The following R3HDM1 variants were observed in gnomAD, a reference collection of about 807,000 sequenced individuals.
R3HDM1 encodes R3H domain-containing protein 1.
A neutral mutation model predicts 141.1 loss-of-function variants in R3HDM1; 46 were observed. The observed-to-expected ratio is 0.33, with a 90% CI of 0.26 to 0.42. The LOEUF is 0.42. Ranked by LOEUF, R3HDM1 falls within the 10% of genes least tolerant of loss-of-function variation. The probability of loss-of-function intolerance (pLI) is 1.00; values close to 1 mark genes in which losing one functional copy is unlikely to be tolerated. For missense variants in R3HDM1, 1,184 were observed against 1,368.3 expected, an observed-to-expected ratio of 0.87 and a Z score of 2.12; for synonymous variants, 435 against 472.9, an observed-to-expected ratio of 0.92 and a Z score of 1.04.
intron 21 of R3HDM1, among the ~76,000 whole-genome samples, chr2:135,707,572 GA>G (rs2075104912): frequency 6.6e-6 from 1 of 152,188 alleles, no homozygotes; most frequent in East Asian, 1.9e-4. Context: ...TGACCGACCT[GA>G]GTATTCCCTT....
At chr2:135,633,121 A>G (rs896247980) in intron 9 of R3HDM1, among the ~76,000 whole-genome samples, 1 of 152,216 alleles carries the variant, frequency 6.6e-6, no homozygotes, top group African/African-American at 2.4e-5. Flanking sequence ...TTCTTCTTAT[A>G]GGGATTAAAT....
In R3HDM1 at chr2:135,709,476, C is replaced by G. The variant is rs1260693231; in HGVS notation, c.2503C>G (p.Gln835Glu). The G allele has an allele frequency of 6.2e-7, 1 of 1,614,170 alleles. No homozygotes were observed. The highest frequency in any genetic ancestry group is 8.5e-7 in the Non-Finnish European group (1 of 1,180,030). Residue 835 changes from glutamine to glutamate, a missense_variant, in exon 22 of 27, where the codon CAA becomes GAA. Around this residue, in one of 5 missense-constraint regions of R3HDM1, gnomAD observed 563 missense variants for 562.0 expected, o/e 1.00. Transcript: ENST00000683871. ...YLQHPGSEQV[Q>E]FPRTTSPCSS... ...GCAACATCCAGGATCAGAACAAGTA[C>G]AATTTCCTCGAACCACTTCACCATG...
At position 135,592,608 on chromosome 2, in the gene R3HDM1, C is replaced by T. The variant is rs1369077593; in HGVS notation, c.-249-9892C>T. On this transcript the variant is annotated intron_variant, in intron 1 of 26. Transcript: ENST00000683871. ...TCTTACATGCCTGTTATCTTAAGCT[C>T]TCCTCTCACATCCTTATTATCCATA... Among the ~76,000 whole-genome samples, 3 of 152,284 alleles carry T rather than the reference C, an allele frequency of 2.0e-5. No individual in the cohort carries two copies. In the South Asian group the frequency reaches 6.2e-4, roughly 32 times the overall value.
At chr2:135,687,071 G>A (rs888093246) in intron 21 of R3HDM1, among the ~76,000 whole-genome samples, 4 of 152,062 alleles carry the variant, frequency 2.6e-5, no homozygotes, top group Admixed American at 6.6e-5. Flanking sequence ...TGGTGGTGCC[G>A]GTAGTCTCAG....
At chr2:135,614,669 G>C (rs1313572853) in intron 3 of R3HDM1, among the ~76,000 whole-genome samples, 1 of 152,176 alleles carries the variant, frequency 6.6e-6, no homozygotes, top group African/African-American at 2.4e-5. Context: ...ATTTTTAATA[G>C]AAGATTTTAT....
intron 26 of R3HDM1, among the ~76,000 whole-genome samples, chr2:135,723,640 G>A (rs2076910220): frequency 6.6e-6 from 1 of 151,358 alleles, no homozygotes. Context: ...AGCTGGGCAT[G>A]GTGGCGGGCG....
chr2:135,710,499 C>A (rs1243986889), intron 23 of R3HDM1, among the ~76,000 whole-genome samples: 17 of 151,926 alleles, frequency 1.1e-4, no homozygotes, highest in Non-Finnish European at 1.5e-5. Flanking sequence ...TGCAAAAATA[C>A]AAAATCAGCC....
chr2:135,694,686 C>CT (rs2105388911), intron 21 of R3HDM1, among the ~76,000 whole-genome samples: 1 of 152,264 alleles, frequency 6.6e-6, no homozygotes, highest in East Asian at 1.9e-4. Flanking sequence ...ACCAGAGTCT[C>CT]TGAGTTAGGA....
rs568014629 is a variant in R3HDM1, at chr2:135,554,899, C to T, written c.-250+23266C>T. On this transcript the variant is annotated intron_variant, in intron 1 of 26. Coordinates refer to ENST00000683871, the MANE Select transcript of R3HDM1 (RefSeq NM_001378107.1). ...TTTGTCATACTTTGTCACAGAAGCC[C>T]TCGCAAACTACTACATAAGTGGTCC... Among the ~76,000 whole-genome samples, 10 of 152,282 alleles carry T rather than the reference C, an allele frequency of 6.6e-5. No homozygotes were observed. In the South Asian group the frequency reaches 2.1e-3, roughly 32 times the overall value.
chr2:135,717,584 G>T (rs1257964145), intron 24 of R3HDM1, among the ~76,000 whole-genome samples: 1 of 152,150 alleles, frequency 6.6e-6, no homozygotes, highest in Non-Finnish European at 1.5e-5. Context: ...TGAGGGGAAA[G>T]GGTGAGGATT....
chr2:135,635,694 A>G (rs1450099647), intron 9 of R3HDM1, among the ~76,000 whole-genome samples, 196 bp from the exon 10 acceptor site: 1 of 152,240 alleles, frequency 6.6e-6, no homozygotes, highest in East Asian at 1.9e-4. Context: ...ATGGCCTCTC[A>G]ACCATAACAT....
chr2:135,621,421 A>G (rs914950852), intron 5 of R3HDM1, 73 bp from the exon 6 acceptor site: 302 of 954,538 alleles, frequency 3.2e-4, no homozygotes, highest in Non-Finnish European at 4.3e-4. Flanking sequence ...GTGTTACTCA[A>G]AAAATATAAA....
intron 21 of R3HDM1, among the ~76,000 whole-genome samples, chr2:135,705,140 T>A (rs972151816): frequency 2.6e-5 from 4 of 152,268 alleles, no homozygotes; most frequent in African/African-American, 9.6e-5. Flanking sequence ...TTAATTTGGC[T>A]CTGTGATTAT....
At chr2:135,715,184 C>T (rs1441308773) in intron 23 of R3HDM1, among the ~76,000 whole-genome samples, 1 of 152,094 alleles carries the variant, frequency 6.6e-6, no homozygotes, top group Non-Finnish European at 1.5e-5. Flanking sequence ...CTCATCTCTA[C>T]TAAAAATACA....
At chr2:135,659,745 A>G (rs1267539674) in intron 18 of R3HDM1, among the ~76,000 whole-genome samples, 2 of 152,212 alleles carry the variant, frequency 1.3e-5, no homozygotes, top group Non-Finnish European at 2.9e-5. Flanking sequence ...GCCCAGAAGG[A>G]CTACATTCTG....
chr2:135,555,706 A>T (rs1035017361), intron 1 of R3HDM1, among the ~76,000 whole-genome samples: 1 of 152,226 alleles, frequency 6.6e-6, no homozygotes, highest in Non-Finnish European at 1.5e-5. Context: ...TGTAATATCC[A>T]TGCAGTAGAA....
intron 1 of R3HDM1, among the ~76,000 whole-genome samples, chr2:135,573,660 TA>T (rs146462689): frequency 0.02 from 3,029 of 151,680 alleles, 122 homozygotes; most frequent in African/African-American, 0.07. Context: ...AGAAGGTACA[TA>T]AGAAGAGGAG....
At chr2:135,617,566 C>T (rs181681275) in intron 5 of R3HDM1, among the ~76,000 whole-genome samples, 1 of 152,118 alleles carries the variant, frequency 6.6e-6, no homozygotes. Flanking sequence ...TCTCACATAT[C>T]TATTCTTGTA....
chr2:135,573,691 AGT>A (rs1156590193), intron 1 of R3HDM1, among the ~76,000 whole-genome samples: 1 of 152,124 alleles, frequency 6.6e-6, no homozygotes, highest in Non-Finnish European at 1.5e-5. Context: ...TTGGCAGTTG[AGT>A]GGTGAAAAGG....
Sources: gnomAD v4.1 joint callset for allele counts (sites outside exome capture counted in the v4.1 genomes callset) on GRCh38, gnomAD v4.1.1 for gene constraint, gnomAD v4.1.1 regional missense constraint, MANE v1.5 for transcripts, NCBI Gene and HGNC (gene_info 2026-07-23, HGNC 2026-07-21) for gene names.